MYO7A: variants seen among roughly 807,000 people sequenced by gnomAD.
MYO7A encodes the protein myosin VIIA, also known as unconventional myosin-VIIa.
A neutral mutation model predicts 263.8 loss-of-function variants in MYO7A; 210 were observed. The ratio of observed to expected loss-of-function variants is 0.80; its 90% confidence interval spans 0.71 to 0.89. The LOEUF is 0.89. MYO7A is among the 40% of genes least tolerant of loss of function. The pLI, the probability that MYO7A is intolerant of heterozygous loss-of-function variation, is 0.00. For missense variants in MYO7A, 2,820 were observed against 2,968.3 expected (o/e 0.95, Z 1.16); for synonymous variants, 1,239 against 1,197.3 (o/e 1.03, Z -0.72).
intron 26 of MYO7A, among the ~76,000 whole-genome samples, chr11:77,183,909 C>T (rs145780090): frequency 0.016 from 2,424 of 152,190 alleles, 35 homozygotes; most frequent in Non-Finnish European, 0.026. Context: ...CCACCTCTGC[C>T]GCTTAGTATT....
chr11:77,165,974 G>A, intron 14 of MYO7A, 82 bp from the exon 15 acceptor site: 7 of 979,978 alleles, frequency 7.1e-6, no homozygotes, highest in Non-Finnish European at 1.1e-5. Flanking sequence ...TGGATTTTGA[G>A]GGTCCTCCTG....
In MYO7A at chr11:77,201,507, G is replaced by T. The variant is rs1004698357; in HGVS notation, c.4912G>T (p.Asp1638Tyr). The T allele has an allele frequency of 6.2e-7, 1 of 1,613,850 alleles. No individual in the cohort carries two copies. The highest frequency in any genetic ancestry group is 1.7e-5 in the Admixed American group (1 of 60,008). The change falls in exon 36 of 49, where the codon GAC becomes TAC. Residue 1638 changes from aspartate to tyrosine, a missense_variant. Physicochemically the swap from Asp to Tyr is radical, Grantham distance 160. Coordinates refer to ENST00000409709, the MANE Select transcript of MYO7A (RefSeq NM_000260.4). ...GGGAGACCTCATCATCCTGGACCAT[G>T]ACACGGGCGAGCAGGTCATGAACTC... is the stretch of plus-strand genomic sequence containing the variant. The part of the protein sequence containing the change: ...AKGDLIILDH[D>Y]TGEQVMNSGW...
At chr11:77,200,069 G>A (rs1956957464) in intron 35 of MYO7A, among the ~76,000 whole-genome samples, 1 of 152,150 alleles carries the variant, frequency 6.6e-6, no homozygotes, top group Non-Finnish European at 1.5e-5. Context: ...AGGAGTTCAA[G>A]ACCAGCCTGG....
At chr11:77,153,754 G>A (rs1016201292) in intron 4 of MYO7A, among the ~76,000 whole-genome samples, 3 of 152,086 alleles carry the variant, frequency 2.0e-5, no homozygotes, top group Non-Finnish European at 1.5e-5. Flanking sequence ...GCCCTTTCAC[G>A]CCTCTGTGCT....
chr11:77,184,936 A>T (rs1591394285), intron 27 of MYO7A: 2 of 803,090 alleles, frequency 2.5e-6, no homozygotes, highest in East Asian at 2.7e-5. Flanking sequence ...CCTTGGAGAT[A>T]TTGCAGGTTC....
chr11:77,157,309 T>C lies in MYO7A; in HGVS notation c.766T>C (p.Tyr256His). ...ALDERNYHVF[Y>H]CMLEGMSEDQ... ...GGATGAAAGGAACTACCACGTGTTC[T>C]ACTGCATGCTGGAGGGTATGAGTGA... Residue 256 changes from tyrosine to histidine, a missense_variant, in exon 8 of 49, where the codon TAC (tyrosine) becomes CAC (histidine). Physicochemically the swap from Tyr to His is moderately conservative, Grantham distance 83. Transcript: ENST00000409709. 6.2e-7 allele frequency: 1 copy of C among 1,612,214 alleles called. No homozygotes were observed. Among genetic ancestry groups the C allele is most frequent in the South Asian group, 1.1e-5 (1 of 90,482 alleles).
Position 77,194,337 on chromosome 11 carries a change from G to A in MYO7A, c.4153-17G>A. ...GGGGCCTGGGCCAATGCATGACCGA[G>A]GCCTCCCCCCACCTAGGAGGACGAC... On this transcript the variant is annotated splice_polypyrimidine_tract_variant and intron_variant, in intron 31 of 48. Coordinates refer to ENST00000409709, the MANE Select transcript of MYO7A (RefSeq NM_000260.4). 5 of 1,607,790 alleles carry A rather than the reference G, an allele frequency of 3.1e-6. No individual in the cohort carries two copies. In the South Asian group the frequency reaches 4.5e-5, roughly 14 times the overall value.
chr11:77,172,993 T>C lies in MYO7A; in HGVS notation c.1935+108T>C, dbSNP rs953770477. On this transcript the variant is annotated intron_variant, in intron 16 of 48. Coordinates refer to ENST00000409709, the MANE Select transcript of MYO7A (RefSeq NM_000260.4). ...TGAAGGATGTGAGACTTTGTCCCTT[T>C]GGGGAATGGGGGGCACCCCGGGAGC... The C allele has an allele frequency of 2.1e-6, 3 of 1,412,182 alleles. No homozygotes were observed. The African/African-American group carries it at 4.3e-5, about 20-fold the overall frequency. 87.5% of individuals were successfully genotyped at this position (1,412,182 alleles called of 1,614,324 possible).
intron 2 of MYO7A, among the ~76,000 whole-genome samples, chr11:77,140,606 C>T (rs1951153780): frequency 6.6e-6 from 1 of 152,210 alleles, no homozygotes; most frequent in African/African-American, 2.4e-5. Context: ...AGACCCAGCC[C>T]CACCCTAGGG....
intron 2 of MYO7A, among the ~76,000 whole-genome samples, chr11:77,141,172 T>A (rs1555050423): frequency 2.6e-5 from 4 of 152,228 alleles, no homozygotes; most frequent in Non-Finnish European, 2.9e-5. Context: ...ACTCGATGAC[T>A]TCATATGTTT....
At position 77,137,373 on chromosome 11, in the gene MYO7A, G is replaced by A. The variant is rs112941318; in HGVS notation, c.19-5336G>A. Among the ~76,000 whole-genome samples, 738 of 151,702 alleles carry A rather than the reference G, an allele frequency of 4.9e-3. 2 individuals carry two copies. The highest frequency in any genetic ancestry group is 0.017 in the African/African-American group (684 of 41,392). On this transcript the variant is annotated intron_variant, in intron 2 of 48. Transcript: ENST00000409709. ...CAGTCCCCCGCCCCCACTCTCTGCC[G>A]TTGTTCATTCGTTGGGGAGCAGTTG...
At chr11:77,130,538 G>T in intron 1 of MYO7A, 51 bp from the exon 2 acceptor site, 2 of 1,468,284 alleles carry the variant, frequency 1.4e-6, no homozygotes, top group East Asian at 2.4e-5. Context: ...CAGGCTCAAG[G>T]CTTCCAGGGC....
chr11:77,201,741 A>AC, intron 36 of MYO7A, 103 bp downstream of exon 36: 1 of 1,273,556 alleles, frequency 7.9e-7, no homozygotes, highest in Non-Finnish European at 1.1e-6. Context: ...TGCATCTGTG[A>AC]AGATGATCTT....
chr11:77,179,999 AG>A (rs1555083076), intron 21 of MYO7A, 46 bp downstream of exon 21: 1 of 1,485,802 alleles, frequency 6.7e-7, no homozygotes, highest in African/African-American at 1.4e-5. Flanking sequence ...CCCCTGGGCG[AG>A]GAGTGTCCAT....
intron 7 of MYO7A, 78 bp downstream of exon 7, chr11:77,157,082 T>C (rs1952541948): frequency 4.5e-6 from 7 of 1,555,220 alleles, no homozygotes; most frequent in Non-Finnish European, 6.1e-6. Flanking sequence ...CCTGCCCGTA[T>C]TGCTGCCCGT....
In MYO7A at chr11:77,207,302, A is replaced by T; in HGVS notation, c.5756A>T (p.Glu1919Val). The T allele has an allele frequency of 6.2e-7, 1 of 1,611,300 alleles. No homozygotes were observed. ...PDDTDEAFEV[E>V]SSTKAKDFCQ... is the part of the protein sequence containing the mutation. ...TGCCCCTCCCAGGCCTTCGAAGTGG[A>T]GTCCAGCACCAAGGCCAAGGACTTC... The change falls in exon 42 of 49, where the codon GAG becomes GTG. Residue 1919 changes from glutamate to valine, a missense_variant. Physicochemically the swap from Glu to Val is moderately radical, Grantham distance 121. Transcript: ENST00000409709.
chr11:77,207,218 C>T (rs1489287048), intron 41 of MYO7A, 71 bp from the exon 42 acceptor site: 3 of 1,116,398 alleles, frequency 2.7e-6, no homozygotes, highest in African/African-American at 3.1e-5. Flanking sequence ...GGAGGCATAG[C>T]CAGAGGGGCC....
chr11:77,162,775 G>A (rs1953119550), intron 13 of MYO7A, 78 bp from the exon 14 acceptor site: 2 of 1,550,832 alleles, frequency 1.3e-6, no homozygotes, highest in Non-Finnish European at 8.7e-7. Context: ...AAGAGACAGG[G>A]GGCAAAGACA....
In MYO7A at chr11:77,156,708, G is replaced by A. The variant is rs369757929; in HGVS notation, c.519G>A (p.Gln173=). Residue 173 remains glutamine (Q), a synonymous_variant, in exon 6 of 49, where the codon CAG becomes CAA. Transcript: ENST00000409709. ...GKTESTKLIL[Q]FLAAISGQHS... The stretch of plus-strand genomic sequence containing the variant: ...CGGAGAGCACAAAGCTGATCCTGCA[G>A]TTCCTGGCAGCCATCAGTGGGCAGC... 1.1e-5 allele frequency: 18 copies of A among 1,613,862 alleles called. No homozygotes were observed. In the African/African-American group the frequency reaches 1.5e-4, roughly 13 times the overall value.
Sources: allele counts gnomAD v4.1 joint callset (sites outside exome capture counted in the v4.1 genomes callset), GRCh38; gene constraint gnomAD v4.1.1; transcripts MANE v1.5; gene names NCBI Gene and HGNC (gene_info 2026-07-23, HGNC 2026-07-21).